CABP1: variants seen among roughly 807,000 people sequenced by gnomAD.
The protein encoded by CABP1 is calcium binding protein 1, also known as calcium-binding protein 1.
CABP1 carries 17 observed loss-of-function variants against 34.3 expected under a neutral mutation model. That is an observed-to-expected ratio of 0.50 (90% CI 0.34 to 0.74). The LOEUF (loss-of-function observed/expected upper bound fraction) is 0.74. CABP1 is among the 30% of genes least tolerant of loss of function. The probability of loss-of-function intolerance (pLI) is 0.01; values close to 1 mark genes in which losing one functional copy is unlikely to be tolerated. For synonymous variants in CABP1, 198 were observed against 229.2 expected, an observed-to-expected ratio of 0.86 and a Z score of 1.23; for missense variants, 373 against 511.1, an observed-to-expected ratio of 0.73 and a Z score of 2.61.
chr12:120,673,082 CT>C, the CABP1 span, among the ~76,000 whole-genome samples: 1 of 151,988 alleles, frequency 6.6e-6, no homozygotes, highest in Admixed American at 6.6e-5. Context: ...GGAATTATTA[CT>C]ATAAAAGTCA....
Position 120,640,853 on chromosome 12 carries a change from C to A in CABP1, c.168C>A (p.Ala56=), listed in dbSNP as rs958946893. 2.8e-6 allele frequency: 3 copies of A among 1,073,904 alleles called. No homozygotes were observed. Among genetic ancestry groups the A allele is most frequent in the African/African-American group, 1.7e-5 (1 of 58,810 alleles). 66.5% of individuals were successfully genotyped at this position (1,073,904 alleles called of 1,614,324 possible). A position where few individuals can be genotyped will look rare whatever the true frequency, so the allele number is the denominator to read the frequency against. Residue 56 remains alanine, a synonymous_variant, in exon 1 of 6, where the codon GCC becomes GCA. Coordinates refer to ENST00000316803, the MANE Select transcript of CABP1 (RefSeq NM_001033677.2). The surrounding 1 kb of genome is among the most constrained non-coding windows in gnomAD (Gnocchi z 6.2). ...CGGGCCATGCGAGCGCGGGCCCCGCCGCGATGAGCTCGCACATCGCCAAAA... is the reference window on the plus strand; with the variant it reads ...CGGGCCATGCGAGCGCGGGCCCCGCAGCGATGAGCTCGCACATCGCCAAAA... ...PPPGHASAGP[A]AMSSHIAKSE... is the part of the protein sequence containing the mutation.
chr12:120,650,288 G>A, intron 1 of CABP1: 1 of 332,106 alleles, frequency 3.0e-6, no homozygotes, highest in Non-Finnish European at 5.5e-6. Context: ...TAGATGATCC[G>A]GCAGCCTTCT....
chr12:120,644,525 G>C (rs1316686957), intron 1 of CABP1, among the ~76,000 whole-genome samples: 1 of 152,120 alleles, frequency 6.6e-6, no homozygotes, highest in Non-Finnish European at 1.5e-5. Context: ...TGGGGCTTTA[G>C]GTCTTGGAAG....
Position 120,641,182 on chromosome 12 carries a change from G to A in CABP1, c.497G>A (p.Arg166His). 1 of 1,241,030 alleles carries A rather than the reference G, an allele frequency of 8.1e-7. No individual in the cohort carries two copies. The highest frequency in any genetic ancestry group is 1.0e-6 in the Non-Finnish European group (1 of 995,116). The allele number at this position is 1,241,030 out of a possible 1,614,324, so 76.9% of individuals were successfully genotyped here. The change falls in exon 1 of 6, where the codon CGC (arginine) becomes CAC (histidine). Residue 166 changes from arginine to histidine, a missense_variant. Physicochemically the swap from Arg to His is conservative, Grantham distance 29. Around this residue, in one of 4 missense-constraint regions of CABP1, gnomAD observed 121 missense variants for 125.5 expected, o/e 0.96. Coordinates refer to ENST00000316803, the MANE Select transcript of CABP1 (RefSeq NM_001033677.2). The surrounding 1 kb of genome is among the most constrained non-coding windows in gnomAD (Gnocchi z 6.7). ...PSPSSPLPPA[R>H]GRDGEERGLS... ...CCGTCGTCGCCGCTGCCGCCGGCCC[G>A]CGGGCGGGATGGGGAGGAACGGGGA...
chr12:120,679,215 AT>A, the CABP1 span, among the ~76,000 whole-genome samples: 1 of 152,196 alleles, frequency 6.6e-6, no homozygotes, highest in Non-Finnish European at 1.5e-5. Flanking sequence ...AGGTGAATTC[AT>A]TTACCCAAAG....
chr12:120,666,437 G>A (rs547460831), intron 5 of CABP1, among the ~76,000 whole-genome samples: 1 of 136,138 alleles, frequency 7.3e-6, no homozygotes, highest in East Asian at 2.2e-4. Flanking sequence ...TCGCATCACC[G>A]CACTCCAGCC....
intron 5 of CABP1, among the ~76,000 whole-genome samples, chr12:120,663,555 C>T (rs559429068): frequency 2.0e-4 from 30 of 152,256 alleles, no homozygotes; most frequent in African/African-American, 6.3e-4. Flanking sequence ...GGATTACAGT[C>T]GTGAGCCACC....
chr12:120,659,644 C>A (rs7302786), intron 1 of CABP1: 5,206 of 492,988 alleles, frequency 0.011, 234 homozygotes, highest in African/African-American at 0.091. Context: ...TGTGCCCAGG[C>A]TGGTGGGGCT....
Position 120,640,992 on chromosome 12 carries a change from G to C in CABP1, c.307G>C (p.Gly103Arg). 1 of 1,159,184 alleles carries C rather than the reference G, an allele frequency of 8.6e-7. No individual in the cohort carries two copies. The highest frequency in any genetic ancestry group is 1.1e-6 in the Non-Finnish European group (1 of 941,594). 71.8% of individuals were successfully genotyped at this position (1,159,184 alleles called of 1,614,324 possible). The stretch of plus-strand genomic sequence containing the variant: ...GGGGCTGCCTAGCCGCCGGCTACCC[G>C]GCTCCTGCCCGGCGACGCCGCAGTC... ...DPGLPSRRLP[G>R]SCPATPQSSG... Residue 103 changes from glycine to arginine, a missense_variant, in exon 1 of 6, where the codon GGC becomes CGC. Physicochemically the swap from Gly to Arg is moderately radical, Grantham distance 125. This residue lies in a region of CABP1 where 134 missense variants were observed against 145.4 expected (regional missense o/e 0.92). Coordinates refer to ENST00000316803, the MANE Select transcript of CABP1 (RefSeq NM_001033677.2). The surrounding 1 kb of genome is among the most constrained non-coding windows in gnomAD (Gnocchi z 6.2).
At chr12:120,678,338 G>A in the CABP1 span, among the ~76,000 whole-genome samples, 29 of 152,058 alleles carry the variant, frequency 1.9e-4, 1 homozygote, top group Admixed American at 1.8e-3. Flanking sequence ...ATTGCCTCTC[G>A]GGGCTCAAAC....
the CABP1 span, among the ~76,000 whole-genome samples, chr12:120,677,390 CTTTTTTTTTT>C: frequency 1.3e-5 from 1 of 76,794 alleles, no homozygotes; most frequent in African/African-American, 5.6e-5. Context: ...GCCCAGCCTT[CTTTTTTTTTT>C]TTTTTTTTTT....
downstream of CABP1, among the ~76,000 whole-genome samples, chr12:120,672,249 G>A (rs540188468): frequency 3.9e-5 from 6 of 152,228 alleles, no homozygotes; most frequent in Non-Finnish European, 7.4e-5. Flanking sequence ...ACCATGAGGA[G>A]GACATCAGTT....
chr12:120,677,215 G>A, the CABP1 span, among the ~76,000 whole-genome samples: 49 of 150,506 alleles, frequency 3.3e-4, no homozygotes, highest in Non-Finnish European at 6.2e-4. Context: ...AGCCTCCCAA[G>A]TAGCTGGGAC....
chr12:120,678,021 T>C, the CABP1 span, among the ~76,000 whole-genome samples: 1 of 152,062 alleles, frequency 6.6e-6, no homozygotes, highest in Non-Finnish European at 1.5e-5. Flanking sequence ...GCAGACACGG[T>C]GGGCTGGCTC....
chr12:120,674,583 T>C, the CABP1 span, among the ~76,000 whole-genome samples: 4 of 152,284 alleles, frequency 2.6e-5, no homozygotes, highest in African/African-American at 9.6e-5. Flanking sequence ...GGATGAGCTC[T>C]GGTGTTAACA....
chr12:120,642,325 G>A (rs1879372288), intron 1 of CABP1, among the ~76,000 whole-genome samples: 1 of 152,286 alleles, frequency 6.6e-6, no homozygotes, highest in South Asian at 2.1e-4. Context: ...TTTCTGTGCT[G>A]AGATCTAGCA....
At chr12:120,650,373 A>G (rs942781759) in intron 1 of CABP1, 6 of 916,160 alleles carry the variant, frequency 6.5e-6, no homozygotes, top group African/African-American at 3.4e-5. Flanking sequence ...TTCTGCTTTC[A>G]TCTCCTTAAG....
rs1050969017 is a variant in CABP1 at position 120,660,426 on chromosome 12, C to T, written c.829+87C>T. 7.1e-6 allele frequency: 10 copies of T among 1,399,934 alleles called. No individual in the cohort carries two copies. The Admixed American group carries it at 1.2e-4, about 17-fold the overall frequency. 86.7% of individuals were successfully genotyped at this position (1,399,934 alleles called of 1,614,324 possible). ...CAGACAGGACTGGCTTCAAATTCTG[C>T]ATCCACCTCTTACCAGCTCTGTGAT... On this transcript the variant is annotated intron_variant, in intron 3 of 5. Coordinates refer to ENST00000316803, the MANE Select transcript of CABP1 (RefSeq NM_001033677.2). The surrounding 1 kb of genome is among the most constrained non-coding windows in gnomAD (Gnocchi z 5.0).
intron 1 of CABP1, among the ~76,000 whole-genome samples, chr12:120,652,931 G>A (rs1016408091): frequency 4.6e-5 from 7 of 152,178 alleles, no homozygotes; most frequent in Admixed American, 4.6e-4. Flanking sequence ...CTGGGGAACT[G>A]GAAATGGTGA....
Sources: allele counts gnomAD v4.1 joint callset (sites outside exome capture counted in the v4.1 genomes callset), GRCh38; gene constraint gnomAD v4.1.1; regional missense constraint gnomAD v4.1.1; non-coding constraint Gnocchi (gnomAD v3.1); transcripts MANE v1.5; gene names NCBI Gene and HGNC (gene_info 2026-07-23, HGNC 2026-07-21).